The following PTPRG variants were observed in gnomAD, a reference collection of about 807,000 sequenced individuals.
The protein encoded by PTPRG is protein tyrosine phosphatase receptor type G.
PTPRG carries 102 observed loss-of-function variants against 165.3 expected under a neutral mutation model. That is an observed-to-expected ratio of 0.62 (90% CI 0.53 to 0.73). The LOEUF (loss-of-function observed/expected upper bound fraction) is 0.73, where lower values mean the gene tolerates loss of function less well. Among genes scored for constraint, PTPRG ranks in the 30% least tolerant of loss-of-function variants. PTPRG has a pLI of 0.00. For synonymous variants in PTPRG, 675 were observed against 669.5 expected (o/e 1.01, Z -0.13); for missense variants, 1,866 against 1,861.4 (o/e 1.00, Z -0.05).
intron 4 of PTPRG, among the ~76,000 whole-genome samples, chr3:62,024,397 A>T (rs1339378614): frequency 1.7e-5 from 2 of 120,702 alleles, no homozygotes; most frequent in Admixed American, 8.7e-5. Flanking sequence ...ATTTTGTGAG[A>T]TTTTTGTTAA....
intron 2 of PTPRG, among the ~76,000 whole-genome samples, chr3:61,759,899 G>A (rs1025867354): frequency 9.2e-5 from 14 of 151,802 alleles, no homozygotes; most frequent in South Asian, 2.1e-4. Context: ...AGAAGAGATA[G>A]GACTGACCTC....
At position 62,162,343 on chromosome 3, in the gene PTPRG, A is replaced by T. The variant is rs544939631; in HGVS notation, c.840+5119A>T. 9.0e-4 allele frequency among the ~76,000 whole-genome samples: 137 copies of T among 152,374 alleles called. No homozygotes were observed. In the Middle Eastern group the frequency reaches 0.01, roughly 11 times the overall value. ...TGCAATTACAAATCCCCAAGCAGGG[A>T]TAAAAGAAAGAAATGTTTTACACAT... On this transcript the variant is annotated intron_variant, in intron 7 of 29. Transcript: ENST00000474889.
intron 5 of PTPRG, among the ~76,000 whole-genome samples, chr3:62,100,521 TCCC>T (rs1165254154): frequency 1.3e-5 from 2 of 152,150 alleles, no homozygotes; most frequent in Non-Finnish European, 2.9e-5. Context: ...GGATTTGGCA[TCCC>T]TTCAGTTAGA....
intron 2 of PTPRG, among the ~76,000 whole-genome samples, chr3:61,880,622 CAAAAAAAA>C (rs35846878): frequency 2.5e-5 from 2 of 80,238 alleles, no homozygotes; most frequent in Admixed American, 1.5e-4. Flanking sequence ...AACCCTGTCT[CAAAAAAAA>C]AAAAAAAAAA....
chr3:61,913,514 C>A (rs535534768), intron 2 of PTPRG, among the ~76,000 whole-genome samples: 17 of 152,216 alleles, frequency 1.1e-4, no homozygotes, highest in African/African-American at 3.4e-4. Flanking sequence ...CCACCGCACC[C>A]GGCCGAGGGA....
At chr3:61,792,481 C>T (rs2034905734) in intron 2 of PTPRG, among the ~76,000 whole-genome samples, 2 of 151,296 alleles carry the variant, frequency 1.3e-5, no homozygotes, top group Admixed American at 1.3e-4. Flanking sequence ...CCCTCCTTGG[C>T]CTCCTAAATG....
rs977600902 is a variant in PTPRG, at chr3:61,711,448, T to G, written c.86-37430T>G. Among the ~76,000 whole-genome samples, 27 of 152,368 alleles carry G rather than the reference T, an allele frequency of 1.8e-4. 1 individual carries two copies. In the East Asian group the frequency reaches 5.2e-3, roughly 29 times the overall value. On this transcript the variant is annotated intron_variant, in intron 1 of 29. Transcript: ENST00000474889. ...CCAGCATCTGTTGTTTCCTGACTTTTTAATGATCGCCATTCTAACTGGTTT... is the reference window on the plus strand; with the variant it reads ...CCAGCATCTGTTGTTTCCTGACTTTGTAATGATCGCCATTCTAACTGGTTT...
intron 1 of PTPRG, among the ~76,000 whole-genome samples, chr3:61,590,221 C>CAAA (rs11348723): frequency 2.5e-4 from 36 of 142,556 alleles, no homozygotes; most frequent in African/African-American, 6.2e-4. Flanking sequence ...TTTCTTTAAT[C>CAAA]AAAAAAAAAA....
intron 2 of PTPRG, among the ~76,000 whole-genome samples, chr3:61,894,178 C>G (rs925005253): frequency 6.6e-6 from 1 of 151,738 alleles, no homozygotes; most frequent in Non-Finnish European, 1.5e-5. Context: ...GTGGTGCGTG[C>G]CTGTAATCCC....
chr3:62,036,406 C>T (rs777681971), intron 4 of PTPRG, among the ~76,000 whole-genome samples: 1 of 152,194 alleles, frequency 6.6e-6, no homozygotes, highest in Non-Finnish European at 1.5e-5. Flanking sequence ...CTCTTTTCTT[C>T]TGTCCAAGTC....
rs75610601 is a variant in PTPRG at position 62,104,513 on chromosome 3, C to T, written c.615+26255C>T. ...TAATTATCTTGACTTTATTTATTTG[C>T]TCATTCAGTTATCCACTTAGTAAAT... On this transcript the variant is annotated intron_variant, in intron 5 of 29. Transcript: ENST00000474889. Among the ~76,000 whole-genome samples, 229 of 152,310 alleles carry T rather than the reference C, an allele frequency of 1.5e-3. 3 individuals carry two copies. Among genetic ancestry groups the T allele is most frequent in the South Asian group, 0.012 (56 of 4,830 alleles).
At chr3:61,964,569 A>T (rs2040225203) in intron 2 of PTPRG, among the ~76,000 whole-genome samples, 1 of 152,100 alleles carries the variant, frequency 6.6e-6, no homozygotes. Flanking sequence ...ACTGCCCTTC[A>T]CTAGAAGGGA....
intron 1 of PTPRG, among the ~76,000 whole-genome samples, chr3:61,677,192 C>T (rs908266344): frequency 2.7e-5 from 4 of 150,482 alleles, no homozygotes; most frequent in Non-Finnish European, 5.9e-5. Flanking sequence ...TTGCAGTGAG[C>T]CCAGATCGCA....
chr3:61,753,725 C>G (rs1420746947), intron 2 of PTPRG: 2 of 400,332 alleles, frequency 5.0e-6, no homozygotes, highest in Non-Finnish European at 9.6e-6. Flanking sequence ...TCTCAAGTAG[C>G]TGGGATTATA....
chr3:61,974,240 T>A (rs937188118), intron 2 of PTPRG, among the ~76,000 whole-genome samples: 4 of 152,012 alleles, frequency 2.6e-5, no homozygotes, highest in Non-Finnish European at 4.4e-5. Context: ...ACTTTTTTTG[T>A]ACCAGTTTTT....
chr3:61,632,937 A>T (rs1701809066), intron 1 of PTPRG, among the ~76,000 whole-genome samples: 2 of 152,136 alleles, frequency 1.3e-5, no homozygotes, highest in Admixed American at 1.3e-4. Flanking sequence ...CTTACCTTGC[A>T]TGCCGGCTGT....
chr3:61,654,786 T>TC lies in PTPRG; in HGVS notation c.85+92414_85+92415insC, dbSNP rs1407770323. 9.6e-4 allele frequency among the ~76,000 whole-genome samples: 141 copies of TC among 147,430 alleles called. 1 individual carries two copies. Among genetic ancestry groups the TC allele is most frequent in the African/African-American group, 3.2e-3 (129 of 39,996 alleles). The stretch of plus-strand genomic sequence containing the variant: ...GGAAGGCTACCTGTGCTTTTTCTTT[T>TC]TTTTTTTTTTTTTGAGACAAAGTCT... On this transcript the variant is annotated intron_variant, in intron 1 of 29. Coordinates refer to ENST00000474889, the MANE Select transcript of PTPRG (RefSeq NM_002841.4).
intron 14 of PTPRG, among the ~76,000 whole-genome samples, chr3:62,238,762 C>A (rs1701088676): frequency 6.6e-6 from 1 of 152,160 alleles, no homozygotes; most frequent in Non-Finnish European, 1.5e-5. Context: ...TTGACTGATA[C>A]TTTACTGATA....
At chr3:62,174,063 T>C (rs577514760) in intron 8 of PTPRG, among the ~76,000 whole-genome samples, 8 of 152,332 alleles carry the variant, frequency 5.3e-5, no homozygotes, top group African/African-American at 1.9e-4. Flanking sequence ...CACTCTGCCC[T>C]TTGTCGGCAA....
Sources: allele counts gnomAD v4.1 joint callset (sites outside exome capture counted in the v4.1 genomes callset), GRCh38; gene constraint gnomAD v4.1.1; transcripts MANE v1.5; gene names NCBI Gene and HGNC (gene_info 2026-07-23, HGNC 2026-07-21).